The following SLC24A4 variants were observed in gnomAD, a reference collection of about 807,000 sequenced individuals.
SLC24A4 encodes solute carrier family 24 member 4, also known as sodium/potassium/calcium exchanger 4.
SLC24A4 carries 53 observed loss-of-function variants against 79.0 expected under a neutral mutation model. The ratio of observed to expected loss-of-function variants is 0.67; its 90% confidence interval spans 0.54 to 0.84. The LOEUF (loss-of-function observed/expected upper bound fraction) is 0.84. Among genes scored for constraint, SLC24A4 ranks in the 40% least tolerant of loss-of-function variants. The pLI is 0.00. For synonymous variants in SLC24A4, 323 were observed against 323.8 expected (o/e 1.00, Z 0.03); for missense variants, 731 against 822.0 (o/e 0.89, Z 1.35).
rs1382550516 is a variant in SLC24A4, at chr14:92,441,735, C to T, written c.394-354C>T. ...ACCACAAACCCTCATGTGAAATTCA[C>T]GTTTCAGTAACAGCAGATAAAACAC... On this transcript the variant is annotated intron_variant, in intron 4 of 16. Coordinates refer to ENST00000532405, the MANE Select transcript of SLC24A4 (RefSeq NM_153646.4). This position sits in a 1 kb window ranked among gnomAD's most constrained non-coding sequence, Gnocchi z 4.6. Among the ~76,000 whole-genome samples, 2 of 152,230 alleles carry T rather than the reference C, an allele frequency of 1.3e-5. No individual in the cohort carries two copies. The highest frequency in any genetic ancestry group is 2.9e-5 in the Non-Finnish European group (2 of 68,036).
chr14:92,485,742 C>A (rs1895318255), intron 13 of SLC24A4, among the ~76,000 whole-genome samples: 3 of 152,062 alleles, frequency 2.0e-5, no homozygotes, highest in South Asian at 2.1e-4. Context: ...ATGTGAAATT[C>A]TTCTCTAGTT....
chr14:92,430,555 G>A (rs1334300020), intron 2 of SLC24A4, among the ~76,000 whole-genome samples: 2 of 152,216 alleles, frequency 1.3e-5, no homozygotes, highest in East Asian at 1.9e-4. Context: ...GCTTCCCTGG[G>A]CCCTGCTCAC....
At chr14:92,416,732 T>G (rs890778290) in intron 2 of SLC24A4, among the ~76,000 whole-genome samples, 1 of 152,224 alleles carries the variant, frequency 6.6e-6, no homozygotes, top group Non-Finnish European at 1.5e-5. Context: ...CGATGTAATT[T>G]TCCACAAGCT....
rs1893466395 is a variant in SLC24A4, at chr14:92,456,423, C to T, written c.1070C>T (p.Ser357Leu). The T allele has an allele frequency of 4.3e-6, 7 of 1,614,078 alleles. No individual in the cohort carries two copies. The highest frequency in any genetic ancestry group is 1.1e-5 in the South Asian group (1 of 91,082). The change falls in exon 12 of 17, where the codon TCG (serine) becomes TTG (leucine). Residue 357 changes from serine to leucine, a missense_variant. Transcript: ENST00000532405. Reference sequence around the variant, plus strand: ...ACACAGCGGCAGAGACTGATCAACTCGGCCAATGGTGTGAGCAGTAAGCCG... The same window carrying T: ...ACACAGCGGCAGAGACTGATCAACTTGGCCAATGGTGTGAGCAGTAAGCCG... ...IINERQRLINSANGVSSKPLQ... is the reference protein window; with the variant it reads ...IINERQRLINLANGVSSKPLQ...
At chr14:92,480,372 C>A (rs558483623) in intron 12 of SLC24A4, among the ~76,000 whole-genome samples, 42 of 127,962 alleles carry the variant, frequency 3.3e-4, no homozygotes, top group Non-Finnish European at 6.3e-4. Flanking sequence ...CAGCTCACTG[C>A]AAGCTCCACT....
At chr14:92,351,236 G>GCACGCACACACACACACACACA (rs1555360941) in intron 2 of SLC24A4, among the ~76,000 whole-genome samples, 1 of 146,986 alleles carries the variant, frequency 6.8e-6, no homozygotes, top group Non-Finnish European at 1.5e-5. Context: ...ACACATACAC[G>GCACGCACACACACACACACACA]CACACACACA....
intron 9 of SLC24A4, among the ~76,000 whole-genome samples, chr14:92,448,708 G>C (rs1425186148): frequency 3.3e-5 from 5 of 152,144 alleles, no homozygotes; most frequent in Non-Finnish European, 7.4e-5. Context: ...TCTGCTGCTG[G>C]GGGAGAGGGG....
chr14:92,343,657 C>CTTCCTTCT (rs1886342570), intron 2 of SLC24A4, among the ~76,000 whole-genome samples: 1 of 103,624 alleles, frequency 9.7e-6, no homozygotes, highest in African/African-American at 4.9e-5. Flanking sequence ...TCCTTCTTTC[C>CTTCCTTCT]TTCCTTCCTT....
rs1247062050 is a variant in SLC24A4 at position 92,498,273 on chromosome 14, G to T, written c.*4645G>T. The T allele has an allele frequency of 6.6e-6, 1 of 152,184 alleles. No individual in the cohort carries two copies. Among genetic ancestry groups the T allele is most frequent in the Non-Finnish European group, 1.5e-5 (1 of 68,070 alleles). The allele number at this position is 152,184 out of a possible 1,614,324, so 9.4% of individuals were successfully genotyped here. On this transcript the variant is annotated 3_prime_UTR_variant, in exon 17 of 17. Transcript: ENST00000532405. ...GGGGCTTCTCAAAGCATGGAGAGGGGCCCTTCCTGTCCTTTGGGAAAATCT... is the reference window on the plus strand; with the variant it reads ...GGGGCTTCTCAAAGCATGGAGAGGGTCCCTTCCTGTCCTTTGGGAAAATCT...
At chr14:92,478,360 G>A (rs569829648) in intron 12 of SLC24A4, among the ~76,000 whole-genome samples, 1 of 152,074 alleles carries the variant, frequency 6.6e-6, no homozygotes, top group Non-Finnish European at 1.5e-5. Context: ...TTGCCTATGG[G>A]TATCCAGCTG....
chr14:92,413,015 G>A (rs1890803143), intron 2 of SLC24A4, among the ~76,000 whole-genome samples: 1 of 152,218 alleles, frequency 6.6e-6, no homozygotes, highest in Non-Finnish European at 1.5e-5. Context: ...ATTTGTTTAT[G>A]TCTCATCTGC....
intron 2 of SLC24A4, among the ~76,000 whole-genome samples, chr14:92,349,482 A>G (rs1361586094): frequency 1.3e-5 from 2 of 152,214 alleles, no homozygotes; most frequent in Non-Finnish European, 2.9e-5. Flanking sequence ...CTTAAGTGTT[A>G]GGACATTTCC....
chr14:92,359,900 A>G (rs1478774585), intron 2 of SLC24A4, among the ~76,000 whole-genome samples: 2 of 152,118 alleles, frequency 1.3e-5, no homozygotes, highest in African/African-American at 2.4e-5. Flanking sequence ...TTATAGTAAC[A>G]CACACACACT....
intron 2 of SLC24A4, among the ~76,000 whole-genome samples, chr14:92,414,516 C>T (rs1456036218): frequency 6.6e-6 from 1 of 152,134 alleles, no homozygotes; most frequent in Non-Finnish European, 1.5e-5. Flanking sequence ...TGGGAGGATC[C>T]GTTAAGTCCC....
intron 11 of SLC24A4, 29 bp from the exon 12 acceptor site, chr14:92,456,375 G>C (rs753549940): frequency 6.2e-7 from 1 of 1,611,558 alleles, no homozygotes. Flanking sequence ...CACATGCCTT[G>C]GTGTCCATGT....
At chr14:92,431,382 A>G (rs1891861689) in intron 2 of SLC24A4, among the ~76,000 whole-genome samples, 2 of 152,310 alleles carry the variant, frequency 1.3e-5, no homozygotes, top group African/African-American at 4.8e-5. Context: ...GTACTTCCTG[A>G]AATCTAAGTC....
chr14:92,402,457 A>C (rs1430520564), intron 2 of SLC24A4, among the ~76,000 whole-genome samples: 1 of 152,148 alleles, frequency 6.6e-6, no homozygotes, highest in African/African-American at 2.4e-5. Context: ...CAGGTAATAT[A>C]GGCAGCTGCT....
chr14:92,474,578 G>A (rs1030258081), intron 12 of SLC24A4, among the ~76,000 whole-genome samples: 7 of 151,234 alleles, frequency 4.6e-5, no homozygotes, highest in African/African-American at 1.5e-4. Context: ...TCCACATCCC[G>A]GATTCAAGCG....
In SLC24A4 at chr14:92,442,695, T is replaced by C. The variant is rs756348960; in HGVS notation, c.479-18T>C. 1.9e-5 allele frequency: 30 copies of C among 1,578,962 alleles called. No homozygotes were observed. The Admixed American group carries it at 4.8e-4, about 25-fold the overall frequency. On this transcript the variant is annotated intron_variant, in intron 5 of 16. Coordinates refer to ENST00000532405, the MANE Select transcript of SLC24A4 (RefSeq NM_153646.4). Reference sequence around the variant, plus strand: ...GGACGTGTGGCTGAGGCCCAGGGTCTGTGTGTTTCCTTTCCAGGGGTGTTC... The same window carrying C: ...GGACGTGTGGCTGAGGCCCAGGGTCCGTGTGTTTCCTTTCCAGGGGTGTTC...
Sources: gnomAD v4.1 joint callset for allele counts (sites outside exome capture counted in the v4.1 genomes callset) on GRCh38, gnomAD v4.1.1 for gene constraint, Gnocchi (gnomAD v3.1) non-coding constraint, MANE v1.5 for transcripts, NCBI Gene and HGNC (gene_info 2026-07-23, HGNC 2026-07-21) for gene names.